The following WDR49 variants were observed in gnomAD, a reference collection of about 807,000 sequenced individuals.
WDR49 encodes cilia- and flagella-associated protein 337.
WDR49 carries 107 observed loss-of-function variants against 119.5 expected under a neutral mutation model. That is an observed-to-expected ratio of 0.90 (90% CI 0.77 to 1.05). WDR49 has a LOEUF of 1.05. Ranked by LOEUF, WDR49 falls within the 50% of genes least tolerant of loss-of-function variation. WDR49 has a pLI of 0.00. For missense variants in WDR49, 1,240 were observed against 1,220.5 expected (o/e 1.02, Z -0.24); for synonymous variants, 425 against 418.8 (o/e 1.01, Z -0.18).
chr3:167,640,232 T>G (rs147017531), intron 2 of WDR49, among the ~76,000 whole-genome samples: 2 of 152,016 alleles, frequency 1.3e-5, no homozygotes, highest in East Asian at 3.9e-4. Flanking sequence ...ACTTCTGTGT[T>G]CTGGATACAA....
At chr3:167,605,962 T>C (rs1240379901) in intron 5 of WDR49, among the ~76,000 whole-genome samples, 1 of 152,176 alleles carries the variant, frequency 6.6e-6, no homozygotes. Flanking sequence ...AGAGTACAAA[T>C]TCAGAATACA....
At chr3:167,630,491 G>T (rs78626143) in intron 2 of WDR49, among the ~76,000 whole-genome samples, 2 of 152,088 alleles carry the variant, frequency 1.3e-5, no homozygotes, top group African/African-American at 2.4e-5. Context: ...AACCAAATCC[G>T]CAATATCTCC....
chr3:167,555,865 G>A (rs1464625111), intron 9 of WDR49, among the ~76,000 whole-genome samples: 6 of 152,126 alleles, frequency 3.9e-5, no homozygotes, highest in African/African-American at 1.4e-4. Flanking sequence ...ATCATACAGT[G>A]TACTTATACA....
chr3:167,635,529 T>C (rs1019567508), intron 2 of WDR49, among the ~76,000 whole-genome samples: 2 of 151,716 alleles, frequency 1.3e-5, no homozygotes, highest in Admixed American at 6.6e-5. Context: ...GCATACTTCA[T>C]AATGAAATGA....
In WDR49 at chr3:167,643,500, G is replaced by T. The variant is rs148642593; in HGVS notation, c.165+9761C>A. 7.2e-5 allele frequency among the ~76,000 whole-genome samples: 11 copies of T among 152,174 alleles called. No homozygotes were observed. The East Asian group carries it at 1.7e-3, about 24-fold the overall frequency. On this transcript the variant is annotated intron_variant, in intron 2 of 18. Coordinates refer to ENST00000682715, the MANE Select transcript of WDR49 (RefSeq NM_001366157.1). ...AGATGAAAGAGATGTGTCAACTAAA[G>T]CAAATGTATAATTCTGTATTGGATC... is the stretch of plus-strand genomic sequence containing the variant.
chr3:167,619,532 A>T (rs1230454248), intron 5 of WDR49, among the ~76,000 whole-genome samples: 1 of 152,220 alleles, frequency 6.6e-6, no homozygotes, highest in Non-Finnish European at 1.5e-5. Context: ...GTGGGCATAC[A>T]TTAAAGAATT....
intron 5 of WDR49, among the ~76,000 whole-genome samples, chr3:167,618,202 T>G (rs1716695068): frequency 6.6e-6 from 1 of 152,174 alleles, no homozygotes. Flanking sequence ...CTTTTCAGGC[T>G]TAAGAACTAC....
chr3:167,518,239 G>A (rs1477662085), intron 16 of WDR49, among the ~76,000 whole-genome samples: 9 of 151,758 alleles, frequency 5.9e-5, no homozygotes, highest in Non-Finnish European at 1.0e-4. Context: ...AGTCCTTTGG[G>A]TATATACCCA....
At chr3:167,548,518 C>T (rs1712345965) in intron 10 of WDR49, among the ~76,000 whole-genome samples, 1 of 151,960 alleles carries the variant, frequency 6.6e-6, no homozygotes, top group Admixed American at 6.6e-5. Context: ...ATACCACCAT[C>T]TCAACAGTTT....
chr3:167,552,752 G>A (rs182790208), intron 10 of WDR49, among the ~76,000 whole-genome samples: 126 of 152,010 alleles, frequency 8.3e-4, no homozygotes, highest in African/African-American at 2.5e-3. Flanking sequence ...ATTAGATAAC[G>A]TGTATAAAGT....
chr3:167,603,520 A>G (rs1489108666), intron 6 of WDR49, among the ~76,000 whole-genome samples: 1 of 152,158 alleles, frequency 6.6e-6, no homozygotes, highest in Non-Finnish European at 1.5e-5. Flanking sequence ...TCCTTAGCTA[A>G]TATTAATAAT....
intron 5 of WDR49, among the ~76,000 whole-genome samples, chr3:167,613,720 G>A (rs551513101): frequency 1.3e-5 from 2 of 152,082 alleles, no homozygotes; most frequent in Non-Finnish European, 2.9e-5. Context: ...TGAGGCAGAC[G>A]GATCACCTGA....
chr3:167,653,904 CAG>C lies in WDR49; in HGVS notation c.-147_-146del, dbSNP rs1718502675. The C allele has an allele frequency of 6.5e-6, 1 of 153,436 alleles. No individual in the cohort carries two copies. The highest frequency in any genetic ancestry group is 6.4e-5 in the Admixed American group (1 of 15,508). The allele number at this position is 153,436 out of a possible 1,614,324, so 9.5% of individuals were successfully genotyped here. On this transcript the variant is annotated 5_prime_UTR_variant, in exon 1 of 19. Transcript: ENST00000682715. The stretch of plus-strand genomic sequence containing the variant: ...CTGGAAGAGTTAGATGACAAAGCTG[CAG>C]AGTTTCCCTACCAATGAAGTACTTG...
At chr3:167,489,187 T>C (rs1751033469) in intron 18 of WDR49, among the ~76,000 whole-genome samples, 1 of 152,062 alleles carries the variant, frequency 6.6e-6, no homozygotes, top group Admixed American at 6.6e-5. Context: ...ATACCATATA[T>C]CCCTAGCACC....
At position 167,502,887 on chromosome 3, in the gene WDR49, A is replaced by T. The variant is rs181387729; in HGVS notation, c.2884+2420T>A. On this transcript the variant is annotated intron_variant, in intron 17 of 18. Coordinates refer to ENST00000682715, the MANE Select transcript of WDR49 (RefSeq NM_001366157.1). The stretch of plus-strand genomic sequence containing the variant: ...AGTCATGTGGCAAACAAACAAATTT[A>T]AAAAAAGCATTATCAAGAGAGAAAT... Among the ~76,000 whole-genome samples, 492 of 152,306 alleles carry T rather than the reference A, an allele frequency of 3.2e-3. 6 individuals are homozygous for T. The highest frequency in any genetic ancestry group is 0.011 in the African/African-American group (462 of 41,560).
At chr3:167,541,755 A>T (rs1438312231) in intron 10 of WDR49, among the ~76,000 whole-genome samples, 1 of 149,892 alleles carries the variant, frequency 6.7e-6, no homozygotes, top group Non-Finnish European at 1.5e-5. Context: ...AGGATACAGA[A>T]TGCCAGAATG....
chr3:167,620,370 A>G, intron 5 of WDR49, 59 bp downstream of exon 5: 1 of 1,427,274 alleles, frequency 7.0e-7, no homozygotes, highest in South Asian at 1.5e-5. Flanking sequence ...TTCATCAAAG[A>G]ATATAAATGT....
At chr3:167,536,122 T>C (rs1367019838) in intron 11 of WDR49, among the ~76,000 whole-genome samples, 1 of 152,060 alleles carries the variant, frequency 6.6e-6, no homozygotes, top group Non-Finnish European at 1.5e-5. Context: ...GGTAAAAAGC[T>C]AGTTATATGG....
At chr3:167,559,005 A>G (rs1000979849) in intron 9 of WDR49, among the ~76,000 whole-genome samples, 1 of 152,174 alleles carries the variant, frequency 6.6e-6, no homozygotes. Context: ...CCTGTAAACT[A>G]GATTACTTTA....
Sources: allele counts gnomAD v4.1 joint callset (sites outside exome capture counted in the v4.1 genomes callset), GRCh38; gene constraint gnomAD v4.1.1; transcripts MANE v1.5; gene names NCBI Gene and HGNC (gene_info 2026-07-23, HGNC 2026-07-21).